Variants in NLRC4 observed in about 807,000 individuals in gnomAD.
The protein encoded by NLRC4 is NLR family CARD domain-containing protein 4.
NLRC4 carries 63 observed loss-of-function variants against 79.9 expected under a neutral mutation model. The ratio of observed to expected loss-of-function variants is 0.79; its 90% confidence interval spans 0.64 to 0.97. The LOEUF (loss-of-function observed/expected upper bound fraction) is 0.97, where lower values mean the gene tolerates loss of function less well. Among genes scored for constraint, NLRC4 ranks in the 50% least tolerant of loss-of-function variants. NLRC4 has a pLI of 0.00. For missense variants in NLRC4, 1,074 were observed against 1,215.2 expected (o/e 0.88, Z 1.73); for synonymous variants, 461 against 456.5 (o/e 1.01, Z -0.12).
Position 32,251,294 on chromosome 2 carries a change from C to G in NLRC4, c.570G>C (p.Lys190Asn), listed in dbSNP as rs1427389272. ...QRIAMLWGSG[K>N]CKALTKFKFV... Reference sequence around the variant, plus strand: ...ATTTGAACTTGGTCAGAGCCTTGCACTTTCCGGAGCCCCAGAGCATGGCAA... The same window carrying G: ...ATTTGAACTTGGTCAGAGCCTTGCAGTTTCCGGAGCCCCAGAGCATGGCAA... Residue 190 changes from lysine (K) to asparagine (N), a missense_variant, in exon 4 of 9, where the codon AAG (lysine) becomes AAC (asparagine). Coordinates refer to ENST00000402280, the MANE Select transcript of NLRC4 (RefSeq NM_001199138.2). The G allele has an allele frequency of 1.9e-6, 3 of 1,614,152 alleles. No homozygotes were observed. The highest frequency in any genetic ancestry group is 2.5e-6 in the Non-Finnish European group (3 of 1,180,024).
At position 32,235,279 on chromosome 2, in the gene NLRC4, A is replaced by G. The variant is rs212714; in HGVS notation, c.2782+122T>C. On this transcript the variant is annotated intron_variant, in intron 8 of 8. Coordinates refer to ENST00000402280, the MANE Select transcript of NLRC4 (RefSeq NM_001199138.2). ...TCTAACGTGAATGAATTCATTAGAC[A>G]TATTTATATTTTAAAAAAAAGAGGA... The G allele has an allele frequency of 0.62, 432,245 of 700,612 alleles. 134,899 individuals carry two copies. Among genetic ancestry groups the G allele is most frequent in the Admixed American group, 0.66 (28,769 of 43,554 alleles). The allele number at this position is 700,612 out of a possible 1,614,324, so 43.4% of individuals were successfully genotyped here.
intron 1 of NLRC4, among the ~76,000 whole-genome samples, chr2:32,260,414 C>T (rs1687316718): frequency 6.6e-6 from 1 of 152,118 alleles, no homozygotes. Flanking sequence ...ATTTCACAAG[C>T]TCTTTGAATA....
At chr2:32,235,297 AAAG>A (rs1686645964) in intron 8 of NLRC4, 101 bp downstream of exon 8, 1 of 803,654 alleles carries the variant, frequency 1.2e-6, no homozygotes, top group East Asian at 2.4e-5. Context: ...ATTTTAAAAA[AAAG>A]AGGAAGCAAA....
intron 5 of NLRC4, among the ~76,000 whole-genome samples, chr2:32,240,302 G>A (rs546490803): frequency 6.6e-6 from 1 of 151,714 alleles, no homozygotes; most frequent in South Asian, 2.1e-4. Context: ...TTGGCTTATA[G>A]GCTAGAGTTG....
intron 8 of NLRC4, among the ~76,000 whole-genome samples, chr2:32,228,328 C>G (rs1399897332): frequency 1.3e-5 from 2 of 152,100 alleles, no homozygotes; most frequent in East Asian, 1.9e-4. Flanking sequence ...GGAACTGCCC[C>G]CCGGGAAAAG....
rs887178362 is a variant in NLRC4, at chr2:32,230,967, G to A, written c.2782+4434C>T. 2.0e-5 allele frequency among the ~76,000 whole-genome samples: 3 copies of A among 152,210 alleles called. 1 individual carries two copies. The East Asian group carries it at 5.8e-4, about 29-fold the overall frequency. ...TAATAAAAAATAATAACCATCCCTA[G>A]TGGGTCTCAGGTGGTATCTCATTGT... On this transcript the variant is annotated intron_variant, in intron 8 of 8. Transcript: ENST00000402280.
intron 6 of NLRC4, 121 bp downstream of exon 6, chr2:32,238,009 GTT>G: frequency 1.5e-6 from 1 of 671,712 alleles, no homozygotes; most frequent in South Asian, 3.1e-5. Context: ...TTATCGAGAA[GTT>G]TTTATTTTCC....
intron 8 of NLRC4, among the ~76,000 whole-genome samples, chr2:32,228,382 A>G (rs984100391): frequency 2.6e-5 from 4 of 152,150 alleles, no homozygotes; most frequent in African/African-American, 9.7e-5. Context: ...ATCACCCCCT[A>G]GTGGAGTTAG....
intron 4 of NLRC4, among the ~76,000 whole-genome samples, chr2:32,249,008 C>G (rs994428804): frequency 2.6e-5 from 4 of 152,200 alleles, no homozygotes; most frequent in African/African-American, 9.6e-5. Context: ...GACCACCAAC[C>G]ACAGACTGGT....
chr2:32,230,161 C>T (rs1370518205), intron 8 of NLRC4, among the ~76,000 whole-genome samples: 2 of 152,122 alleles, frequency 1.3e-5, no homozygotes, highest in Admixed American at 1.3e-4. Context: ...AGAAGAGAAA[C>T]CTATAAGCTC....
chr2:32,254,497 C>T (rs940538935), intron 2 of NLRC4, among the ~76,000 whole-genome samples: 4 of 151,790 alleles, frequency 2.6e-5, no homozygotes, highest in East Asian at 1.9e-4. Flanking sequence ...TAGACCACAC[C>T]GTACCCAGGC....
chr2:32,245,324 A>AC (rs1237710710), intron 4 of NLRC4, among the ~76,000 whole-genome samples: 3 of 151,380 alleles, frequency 2.0e-5, no homozygotes, highest in Non-Finnish European at 4.4e-5. Context: ...AAAAAAAAAA[A>AC]AAAAAAAAAC....
chr2:32,256,256 A>G (rs1687206263), intron 2 of NLRC4, among the ~76,000 whole-genome samples: 1 of 152,140 alleles, frequency 6.6e-6, no homozygotes, highest in Non-Finnish European at 1.5e-5. Context: ...GCATTATACA[A>G]TATGGTAGTC....
At chr2:32,244,407 T>C (rs1686881720) in intron 4 of NLRC4, among the ~76,000 whole-genome samples, 1 of 151,928 alleles carries the variant, frequency 6.6e-6, no homozygotes, top group South Asian at 2.1e-4. Context: ...AAAAGACACC[T>C]ACAAGAAAAC....
intron 1 of NLRC4, among the ~76,000 whole-genome samples, chr2:32,258,953 G>C (rs986630364): frequency 9.2e-5 from 14 of 152,168 alleles, no homozygotes; most frequent in Admixed American, 7.9e-4. Flanking sequence ...TGAGAGGGCA[G>C]ACAGGAAGTG....
intron 1 of NLRC4, among the ~76,000 whole-genome samples, chr2:32,261,214 C>A (rs1263832012): frequency 6.7e-6 from 1 of 149,966 alleles, no homozygotes; most frequent in African/African-American, 2.5e-5. Flanking sequence ...AACAACAACA[C>A]CATGTATTTC....
chr2:32,264,572 AC>A (rs1446499876), intron 1 of NLRC4, among the ~76,000 whole-genome samples, 165 bp downstream of exon 1: 1 of 151,082 alleles, frequency 6.6e-6, no homozygotes, highest in Non-Finnish European at 1.5e-5. Flanking sequence ...CCGATTAACC[AC>A]CCCTAAAGGT....
intron 2 of NLRC4, among the ~76,000 whole-genome samples, chr2:32,255,571 CCA>C (rs1290489788): frequency 6.6e-6 from 1 of 151,116 alleles, no homozygotes; most frequent in Non-Finnish European, 1.5e-5. Flanking sequence ...GCTTAGAGAC[CCA>C]CACACACACA....
At chr2:32,240,950 G>A in intron 5 of NLRC4, 83 bp downstream of exon 5, 1 of 833,746 alleles carries the variant, frequency 1.2e-6, no homozygotes, top group Non-Finnish European at 2.0e-6. Flanking sequence ...GCCTTGTGCA[G>A]ACACAGCCAA....
Sources: allele counts gnomAD v4.1 joint callset (sites outside exome capture counted in the v4.1 genomes callset), GRCh38; gene constraint gnomAD v4.1.1; transcripts MANE v1.5; gene names NCBI Gene and HGNC (gene_info 2026-07-23, HGNC 2026-07-21).